The following TMTC2 variants were observed in gnomAD, a reference collection of about 807,000 sequenced individuals.
The protein encoded by TMTC2 is protein O-mannosyl-transferase TMTC2.
TMTC2 carries 43 observed loss-of-function variants against 82.4 expected under a neutral mutation model. That is an observed-to-expected ratio of 0.52 (90% confidence interval 0.41 to 0.67). The LOEUF (loss-of-function observed/expected upper bound fraction) is 0.67. Among genes scored for constraint, TMTC2 ranks in the 30% least tolerant of loss-of-function variants. The pLI, the probability that TMTC2 is intolerant of heterozygous loss-of-function variation, is 0.00. For synonymous variants in TMTC2, 408 were observed against 381.9 expected (o/e 1.07, Z -0.80); for missense variants, 919 against 1,012.4 (o/e 0.91, Z 1.25).
At chr12:83,113,716 T>A (rs985972024) in intron 11 of TMTC2, among the ~76,000 whole-genome samples, 2 of 152,252 alleles carry the variant, frequency 1.3e-5, no homozygotes, top group African/African-American at 4.8e-5. Flanking sequence ...TCATTATTTT[T>A]CCAGGCATGT....
chr12:82,784,172 G>C (rs1454750385), intron 1 of TMTC2, among the ~76,000 whole-genome samples: 1 of 151,776 alleles, frequency 6.6e-6, no homozygotes, highest in East Asian at 1.9e-4. Flanking sequence ...AGTATATTTT[G>C]AATATTGTAA....
intron 11 of TMTC2, among the ~76,000 whole-genome samples, chr12:83,102,048 T>C (rs968330437): frequency 6.6e-6 from 1 of 152,192 alleles, no homozygotes; most frequent in Non-Finnish European, 1.5e-5. Context: ...CAGTAATACA[T>C]GTGACTAGTT....
At chr12:83,122,064 C>T (rs183858533) in intron 11 of TMTC2, among the ~76,000 whole-genome samples, 6 of 152,092 alleles carry the variant, frequency 3.9e-5, no homozygotes, top group African/African-American at 4.8e-5. Flanking sequence ...AGAACTTACC[C>T]CATGCTACCC....
chr12:82,783,237 GGGTA>G (rs961877737), intron 1 of TMTC2, among the ~76,000 whole-genome samples: 5 of 149,464 alleles, frequency 3.3e-5, no homozygotes. Flanking sequence ...TGTAGGTGCT[GGGTA>G]GGTTTAAATA....
chr12:82,991,501 A>C (rs1879401796), intron 8 of TMTC2, among the ~76,000 whole-genome samples: 1 of 152,172 alleles, frequency 6.6e-6, no homozygotes, highest in South Asian at 2.1e-4. Context: ...TATATCCTAC[A>C]TTATACTTCT....
At chr12:82,927,144 A>G (rs1875764904) in intron 3 of TMTC2, among the ~76,000 whole-genome samples, 1 of 152,200 alleles carries the variant, frequency 6.6e-6, no homozygotes, top group African/African-American at 2.4e-5. Flanking sequence ...GGTAAAGTAA[A>G]TGGAAAACTT....
chr12:82,714,472 T>C (rs1158778671), intron 1 of TMTC2, among the ~76,000 whole-genome samples: 1 of 152,202 alleles, frequency 6.6e-6, no homozygotes, highest in Admixed American at 6.5e-5. Flanking sequence ...TGTCCTTTTT[T>C]TTATTTTCCT....
intron 10 of TMTC2, among the ~76,000 whole-genome samples, chr12:83,058,014 G>T (rs768596667): frequency 6.6e-6 from 1 of 151,702 alleles, no homozygotes; most frequent in Non-Finnish European, 1.5e-5. Flanking sequence ...ATTTCATAGG[G>T]TATATTAAGT....
At chr12:82,710,056 G>A (rs1873551948) in intron 1 of TMTC2, among the ~76,000 whole-genome samples, 1 of 152,168 alleles carries the variant, frequency 6.6e-6, no homozygotes, top group African/African-American at 2.4e-5. Flanking sequence ...CATTATGTAA[G>A]GCTTGGAGGT....
intron 11 of TMTC2, among the ~76,000 whole-genome samples, chr12:83,081,508 T>C (rs1419853639): frequency 6.6e-6 from 1 of 152,168 alleles, no homozygotes; most frequent in South Asian, 2.1e-4. Context: ...AAATGAGAGA[T>C]GGGAGAATGA....
At chr12:82,864,696 C>T (rs1487624583) in intron 2 of TMTC2, among the ~76,000 whole-genome samples, 16 of 151,016 alleles carry the variant, frequency 1.1e-4, no homozygotes, top group South Asian at 6.3e-4. Flanking sequence ...AGAGATGGGG[C>T]TTCACCATGT....
chr12:82,733,168 A>T (rs1255042094), intron 1 of TMTC2, among the ~76,000 whole-genome samples: 1 of 152,194 alleles, frequency 6.6e-6, no homozygotes, highest in Non-Finnish European at 1.5e-5. Context: ...TGATGCAATT[A>T]AGGAAAGCTG....
intron 3 of TMTC2, among the ~76,000 whole-genome samples, chr12:82,908,269 C>T (rs1196669943): frequency 1.3e-5 from 2 of 151,910 alleles, no homozygotes; most frequent in Non-Finnish European, 2.9e-5. Context: ...AGGAATATTA[C>T]CAGTGTCTTT....
intron 3 of TMTC2, 79 bp downstream of exon 3, chr12:82,896,725 A>G (rs1313022248): frequency 1.3e-5 from 15 of 1,183,130 alleles, no homozygotes; most frequent in Non-Finnish European, 1.8e-5. Context: ...GTCTTAAAAC[A>G]CAGTATTAAG....
At chr12:83,079,063 C>CA (rs1202823724) in intron 11 of TMTC2, among the ~76,000 whole-genome samples, 1 of 151,918 alleles carries the variant, frequency 6.6e-6, no homozygotes. Flanking sequence ...TTAATAACTA[C>CA]AAAAAATTAA....
intron 10 of TMTC2, 38 bp from the exon 11 acceptor site, chr12:83,061,730 A>C (rs561703282): frequency 6.6e-7 from 1 of 1,513,650 alleles, no homozygotes; most frequent in Admixed American, 2.0e-5. Flanking sequence ...TAATTCTAAA[A>C]TATATGATAT....
chr12:82,713,937 G>A (rs984058600), intron 1 of TMTC2, among the ~76,000 whole-genome samples: 3 of 152,206 alleles, frequency 2.0e-5, no homozygotes, highest in Non-Finnish European at 4.4e-5. Flanking sequence ...CATTTATTGT[G>A]CACTTGATAG....
chr12:82,781,637 A>T (rs1252535022), intron 1 of TMTC2, among the ~76,000 whole-genome samples: 3 of 151,048 alleles, frequency 2.0e-5, no homozygotes, highest in African/African-American at 7.3e-5. Flanking sequence ...ATCATGCTAC[A>T]CAGAAGAAGT....
In TMTC2 at chr12:83,032,257, T is replaced by TTATATATATA. The variant is rs57604518; in HGVS notation, c.2152+1407_2152+1416dup. Among the ~76,000 whole-genome samples the TTATATATATA allele has an allele frequency of 9.6e-3, 1,245 of 130,338 alleles. 10 individuals carry two copies. The highest frequency in any genetic ancestry group is 0.016 in the African/African-American group (544 of 33,792). The allele number at this position is 130,338 out of a possible 152,430, so 85.5% of individuals were successfully genotyped here. The stretch of plus-strand genomic sequence containing the variant: ...TTCCTATAATATTATAGAGAATATT[T>TTATATATATA]TATATATATATATATATATATATAT... On this transcript the variant is annotated intron_variant, in intron 9 of 11. Transcript: ENST00000321196.
Sources: gnomAD v4.1 joint callset for allele counts (sites outside exome capture counted in the v4.1 genomes callset) on GRCh38, gnomAD v4.1.1 for gene constraint, MANE v1.5 for transcripts, NCBI Gene and HGNC (gene_info 2026-07-23, HGNC 2026-07-21) for gene names.